Variants in VDAC1 observed in about 807,000 individuals in gnomAD.
VDAC1 encodes non-selective voltage-gated ion channel VDAC1.
VDAC1 carries 10 observed loss-of-function variants against 34.7 expected under a neutral mutation model. The observed-to-expected ratio is 0.29, with a 90% CI of 0.18 to 0.49. VDAC1 has a LOEUF of 0.49. VDAC1 is among the 20% of genes least tolerant of loss of function. The pLI, the probability that VDAC1 is intolerant of heterozygous loss-of-function variation, is 0.99. For missense variants in VDAC1, 230 were observed against 347.9 expected (o/e 0.66, Z 2.69); for synonymous variants, 130 against 136.0 (o/e 0.96, Z 0.30).
At chr5:133,980,689 ACCC>A in intron 6 of VDAC1, 37 bp downstream of exon 6, 2 of 564,054 alleles carry the variant, frequency 3.5e-6, no homozygotes, top group Non-Finnish European at 6.7e-6. Flanking sequence ...ACATGCTCCA[ACCC>A]CACCCCTCCC....
the VDAC1 span, among the ~76,000 whole-genome samples, chr5:134,102,135 A>G: frequency 3.3e-5 from 5 of 152,038 alleles, no homozygotes; most frequent in Admixed American, 1.3e-4. Context: ...CCTGCAGTTG[A>G]GAGGCACGGC....
chr5:133,983,026 G>T (rs1281202106), intron 5 of VDAC1, among the ~76,000 whole-genome samples: 1 of 151,942 alleles, frequency 6.6e-6, no homozygotes. Flanking sequence ...GGGGCAGGCG[G>T]ATCACCTGAG....
chr5:134,111,871 A>T, the VDAC1 span, among the ~76,000 whole-genome samples: 2 of 152,172 alleles, frequency 1.3e-5, no homozygotes, highest in Non-Finnish European at 2.9e-5. Context: ...AAGCTGTGAG[A>T]ACTTAGGTGA....
In VDAC1 at chr5:133,973,804, C is replaced by T. The variant is rs1399956897; in HGVS notation, c.747G>A (p.Gln249=). Residue 249 remains glutamine (Q), a synonymous_variant, in exon 8 of 9, where the codon CAG becomes CAA. Transcript: ENST00000265333. ...NSSLIGLGYT[Q]TLKPGIKLTL... ...AGCAACACATACCTGGCTTTAGAGT[C>T]TGAGTGTATCCTAAACCTATCAGGC... The T allele has an allele frequency of 1.2e-6, 2 of 1,612,306 alleles. No individual in the cohort carries two copies. The highest frequency in any genetic ancestry group is 1.7e-5 in the Admixed American group (1 of 59,826).
intron 1 of VDAC1, among the ~76,000 whole-genome samples, chr5:133,993,673 C>T (rs1753190427): frequency 6.6e-6 from 1 of 152,212 alleles, no homozygotes; most frequent in Non-Finnish European, 1.5e-5. Flanking sequence ...CCTCCAAATA[C>T]ATTAAACAAA....
chr5:134,034,774 GAGGAAAGGAGCTGCGAGTA>G, the VDAC1 span, among the ~76,000 whole-genome samples: 779 of 152,096 alleles, frequency 5.1e-3, 1 homozygote, highest in East Asian at 0.017. Context: ...TTCCACTATG[GAGGAAAGGAGCTGCGAGTA>G]AGGAAAGGAG....
chr5:134,040,587 A>T, the VDAC1 span, among the ~76,000 whole-genome samples: 1,186 of 152,156 alleles, frequency 7.8e-3, 15 homozygotes, highest in African/African-American at 0.027. Context: ...AAAAAAAAAA[A>T]ATTAGCTGGG....
At chr5:133,989,337 G>A (rs1580720678) in intron 5 of VDAC1, 1 of 151,546 alleles carries the variant, frequency 6.6e-6, no homozygotes, top group East Asian at 2.0e-4. Flanking sequence ...AAGATGTTAA[G>A]TTTTATATGT....
At chr5:134,056,694 T>G in the VDAC1 span, among the ~76,000 whole-genome samples, 4 of 152,344 alleles carry the variant, frequency 2.6e-5, 1 homozygote, top group South Asian at 8.3e-4. Context: ...GTTTTTCTTT[T>G]TCTTTTTTGA....
chr5:133,986,436 G>C (rs753834594), intron 5 of VDAC1, among the ~76,000 whole-genome samples: 2 of 151,456 alleles, frequency 1.3e-5, no homozygotes, highest in Non-Finnish European at 1.5e-5. Context: ...TTGCTCTGTC[G>C]CCCACATTGG....
In VDAC1 at chr5:133,979,596, A is replaced by T. The variant is rs367649081; in HGVS notation, c.551+1133T>A. Among the ~76,000 whole-genome samples, 428 of 151,810 alleles carry T rather than the reference A, an allele frequency of 2.8e-3. 3 individuals are homozygous for T. Among genetic ancestry groups the T allele is most frequent in the African/African-American group, 9.0e-3 (375 of 41,442 alleles). ...AGGCACCCGCCACCACGCCCAGCTA[A>T]TTTTTGTATTTTTAGTAGAGATGGG... On this transcript the variant is annotated intron_variant, in intron 6 of 8. Coordinates refer to ENST00000265333, the MANE Select transcript of VDAC1 (RefSeq NM_003374.3).
At chr5:134,034,801 G>C in the VDAC1 span, among the ~76,000 whole-genome samples, 2 of 152,124 alleles carry the variant, frequency 1.3e-5, no homozygotes, top group South Asian at 2.1e-4. Context: ...GTAAGGAAAG[G>C]AGCTGCGAGT....
At chr5:134,056,230 A>C in the VDAC1 span, among the ~76,000 whole-genome samples, 1 of 124,952 alleles carries the variant, frequency 8.0e-6, no homozygotes, top group Admixed American at 8.4e-5. Flanking sequence ...GACAACAGTG[A>C]AACTCCGTCT....
At chr5:134,085,930 T>C in the VDAC1 span, among the ~76,000 whole-genome samples, 1 of 151,974 alleles carries the variant, frequency 6.6e-6, no homozygotes, top group Non-Finnish European at 1.5e-5. Flanking sequence ...CAGTGGCTCA[T>C]GCCTGTAATC....
chr5:134,103,005 C>A, the VDAC1 span, among the ~76,000 whole-genome samples: 1 of 152,204 alleles, frequency 6.6e-6, no homozygotes, highest in Non-Finnish European at 1.5e-5. Flanking sequence ...AAGACCTCTG[C>A]CCCTCCCGCA....
At chr5:134,038,241 A>C in the VDAC1 span, among the ~76,000 whole-genome samples, 2 of 152,258 alleles carry the variant, frequency 1.3e-5, no homozygotes, top group African/African-American at 4.8e-5. Flanking sequence ...AAGGCCTCTG[A>C]CATTACAGCT....
At chr5:133,987,208 A>G (rs1470830610) in intron 5 of VDAC1, among the ~76,000 whole-genome samples, 1 of 152,076 alleles carries the variant, frequency 6.6e-6, no homozygotes, top group Non-Finnish European at 1.5e-5. Context: ...CAAAAATATA[A>G]AAATCAACCA....
upstream of VDAC1, among the ~76,000 whole-genome samples, chr5:134,006,482 C>T (rs1753753051): frequency 6.6e-6 from 1 of 152,186 alleles, no homozygotes; most frequent in East Asian, 1.9e-4. Context: ...GTGGCTCAAG[C>T]CTGTAATCCT....
At chr5:133,984,427 T>C (rs1052431171) in intron 5 of VDAC1, among the ~76,000 whole-genome samples, 3 of 57,724 alleles carry the variant, frequency 5.2e-5, no homozygotes, top group Admixed American at 1.9e-4. Flanking sequence ...AGCGTGTGTG[T>C]GTGTGTGTGT....
Sources: gnomAD v4.1 joint callset for allele counts (sites outside exome capture counted in the v4.1 genomes callset) on GRCh38, gnomAD v4.1.1 for gene constraint, MANE v1.5 for transcripts, NCBI Gene and HGNC (gene_info 2026-07-23, HGNC 2026-07-21) for gene names.